PPFIA1: variants seen among roughly 807,000 people sequenced by gnomAD.
PPFIA1 encodes the protein PPFI scaffold protein A1.
PPFIA1 carries 25 observed loss-of-function variants against 149.9 expected under a neutral mutation model. That is an observed-to-expected ratio of 0.17 (90% confidence interval 0.12 to 0.23). The LOEUF (loss-of-function observed/expected upper bound fraction) is 0.23, where lower values mean the gene tolerates loss of function less well. PPFIA1 is among the 10% of genes least tolerant of loss of function. The pLI is 1.00. For synonymous variants in PPFIA1, 549 were observed against 552.8 expected (o/e 0.99, Z 0.10); for missense variants, 1,362 against 1,506.5 (o/e 0.90, Z 1.59).
At chr11:70,365,219 T>C in intron 21 of PPFIA1, 1 of 308,270 alleles carries the variant, frequency 3.2e-6, no homozygotes, top group Non-Finnish European at 6.6e-6. Context: ...CAGGGAATGG[T>C]TATTCTGTAC....
intron 2 of PPFIA1, among the ~76,000 whole-genome samples, chr11:70,280,570 G>T (rs1035026964): frequency 6.6e-6 from 1 of 151,992 alleles, no homozygotes; most frequent in Non-Finnish European, 1.5e-5. Context: ...ACTCCGTCTC[G>T]GGGAAAAAGA....
chr11:70,293,226 G>A (rs2051656309), intron 2 of PPFIA1, among the ~76,000 whole-genome samples: 1 of 152,198 alleles, frequency 6.6e-6, no homozygotes, highest in Non-Finnish European at 1.5e-5. Flanking sequence ...GCTCTTCCAC[G>A]TGGTTAATCC....
At chr11:70,347,168 C>T (rs1591298198) in intron 15 of PPFIA1, among the ~76,000 whole-genome samples, 1 of 152,050 alleles carries the variant, frequency 6.6e-6, no homozygotes, top group Non-Finnish European at 1.5e-5. Flanking sequence ...TCCTGATTTC[C>T]AGTTGAAGAA....
chr11:70,375,087 C>A lies in PPFIA1; in HGVS notation c.3309C>A (p.Asn1103Lys). 6.2e-7 allele frequency: 1 copy of A among 1,603,272 alleles called. No individual in the cohort carries two copies. ...TGCTGTTACAGATCCCGACGCAGAA[C>A]ACACAGGTGACGCCAAACCTGTCTG... ...LALLLQIPTQ[N>K]TQARAVLERE... Residue 1103 changes from asparagine to lysine, a missense_variant, in exon 24 of 28, where the codon AAC becomes AAA. Coordinates refer to ENST00000253925, the MANE Select transcript of PPFIA1 (RefSeq NM_003626.5).
At chr11:70,288,500 G>A (rs772706066) in intron 2 of PPFIA1, among the ~76,000 whole-genome samples, 4 of 152,174 alleles carry the variant, frequency 2.6e-5, no homozygotes, top group Admixed American at 6.5e-5. Flanking sequence ...GCAATTACTT[G>A]TTCCTGGGAG....
At chr11:70,286,840 C>T (rs1189355885) in intron 2 of PPFIA1, among the ~76,000 whole-genome samples, 1 of 149,354 alleles carries the variant, frequency 6.7e-6, no homozygotes, top group Non-Finnish European at 1.5e-5. Context: ...AAGCAATGCT[C>T]CTACCTCAGC....
chr11:70,299,473 A>G (rs968794475), intron 2 of PPFIA1, among the ~76,000 whole-genome samples: 2 of 152,146 alleles, frequency 1.3e-5, no homozygotes, highest in Non-Finnish European at 2.9e-5. Context: ...TGCTATCCAC[A>G]AAGATACTGT....
chr11:70,279,725 G>A (rs1018035842), intron 2 of PPFIA1, among the ~76,000 whole-genome samples: 1 of 64,396 alleles, frequency 1.6e-5, no homozygotes, highest in African/African-American at 9.2e-5. Context: ...GTGTCTAGGT[G>A]TGTGTGTGTG....
At chr11:70,302,855 T>G (rs761602350) in intron 2 of PPFIA1, among the ~76,000 whole-genome samples, 1 of 151,706 alleles carries the variant, frequency 6.6e-6, no homozygotes, top group Non-Finnish European at 1.5e-5. Flanking sequence ...GCAATCCTCC[T>G]GCCTCGGTGT....
intron 2 of PPFIA1, among the ~76,000 whole-genome samples, chr11:70,318,933 C>T (rs1160935221): frequency 6.6e-6 from 1 of 152,242 alleles, no homozygotes; most frequent in African/African-American, 2.4e-5. Context: ...CATCTCTTCT[C>T]ACCCTCCACC....
chr11:70,337,336 A>G, intron 11 of PPFIA1, 29 bp from the exon 12 acceptor site: 1 of 1,484,990 alleles, frequency 6.7e-7, no homozygotes, highest in Non-Finnish European at 9.2e-7. Context: ...TTTTAAAGAA[A>G]CACTAAAGGA....
intron 2 of PPFIA1, among the ~76,000 whole-genome samples, chr11:70,319,540 C>T (rs1419107837): frequency 2.6e-5 from 4 of 152,206 alleles, no homozygotes; most frequent in Admixed American, 2.0e-4. Flanking sequence ...TCCTCCAGCC[C>T]GGGGGTAGCA....
At chr11:70,349,562 GCTT>G (rs767023815) in intron 16 of PPFIA1, among the ~76,000 whole-genome samples, 1 of 152,080 alleles carries the variant, frequency 6.6e-6, no homozygotes, top group Non-Finnish European at 1.5e-5. Context: ...TTTTAACTGT[GCTT>G]CTATCATATT....
chr11:70,331,828 C>A, intron 8 of PPFIA1, 132 bp from the exon 9 acceptor site: 1 of 990,160 alleles, frequency 1.0e-6, no homozygotes, highest in Non-Finnish European at 1.4e-6. Flanking sequence ...GACCCAGAAG[C>A]AACTCCCATC....
chr11:70,303,200 G>T (rs1343897523), intron 2 of PPFIA1, among the ~76,000 whole-genome samples: 5 of 152,074 alleles, frequency 3.3e-5, no homozygotes, highest in South Asian at 4.2e-4. Flanking sequence ...CCGGTCTGAC[G>T]CAGTGTCGGG....
chr11:70,339,273 C>T lies in PPFIA1; in HGVS notation c.1674C>T (p.Gly558=). 1 of 1,614,046 alleles carries T rather than the reference C, an allele frequency of 6.2e-7. No homozygotes were observed. Among genetic ancestry groups the T allele is most frequent in the Non-Finnish European group, 8.5e-7 (1 of 1,179,900 alleles). ...CAGTGCTGCGGCGCCCACAGAAAGG[C>T]CGGCTGGCAGCCCTGCGAGATGAGC... ...TSAVLRRPQK[G]RLAALRDEPS... Residue 558 remains glycine, a synonymous_variant, in exon 14 of 28, where the codon GGC becomes GGT. Coordinates refer to ENST00000253925, the MANE Select transcript of PPFIA1 (RefSeq NM_003626.5).
chr11:70,302,041 C>T (rs965509675), intron 2 of PPFIA1, among the ~76,000 whole-genome samples: 3 of 152,180 alleles, frequency 2.0e-5, no homozygotes, highest in African/African-American at 7.2e-5. Context: ...AGTGGACTCA[C>T]GAAAGTGCAG....
intron 21 of PPFIA1, chr11:70,367,439 C>T (rs2056997396): frequency 2.2e-6 from 1 of 446,858 alleles, no homozygotes; most frequent in Non-Finnish European, 4.5e-6. Context: ...ATGAGCAGGA[C>T]ACCCATGGTC....
At chr11:70,381,974 T>C (rs1205716147) in intron 26 of PPFIA1, 114 bp from the exon 27 acceptor site, 6 of 873,456 alleles carry the variant, frequency 6.9e-6, no homozygotes, top group Non-Finnish European at 5.4e-6. Context: ...CTCAGGTCCC[T>C]CCGTAGGCAC....
Sources: gnomAD v4.1 joint callset for allele counts (sites outside exome capture counted in the v4.1 genomes callset) on GRCh38, gnomAD v4.1.1 for gene constraint, MANE v1.5 for transcripts, NCBI Gene and HGNC (gene_info 2026-07-23, HGNC 2026-07-21) for gene names.